CCDC171: variants seen among roughly 807,000 people sequenced by gnomAD.
CCDC171 encodes the protein coiled-coil domain-containing protein 171.
Under a neutral mutation model 168.2 loss-of-function variants are expected in CCDC171, and 177 were observed. The ratio of observed to expected loss-of-function variants is 1.05; its 90% CI spans 0.93 to 1.19. The LOEUF is 1.19. Ranked by LOEUF, CCDC171 falls within the 50% of genes most tolerant of loss-of-function variation. The pLI is 0.00. For missense variants in CCDC171, 1,991 were observed against 1,539.0 expected (o/e 1.29, Z -4.91); for synonymous variants, 687 against 540.8 (o/e 1.27, Z -3.75).
chr9:16,026,558 C>T (rs956626887), intron 6 of CCDC171, among the ~76,000 whole-genome samples: 6 of 152,088 alleles, frequency 3.9e-5, no homozygotes, highest in Admixed American at 6.6e-5. Context: ...ATCCTCAATA[C>T]GGAACTTGTG....
intron 21 of CCDC171, among the ~76,000 whole-genome samples, chr9:15,831,001 G>A (rs1268656287): frequency 3.4e-5 from 4 of 118,288 alleles, no homozygotes; most frequent in Non-Finnish European, 3.3e-5. Context: ...ATGGATTCTC[G>A]CTCTGCCGCC....
the CCDC171 span, among the ~76,000 whole-genome samples, chr9:16,095,867 CACATAT>C: frequency 9.5e-5 from 5 of 52,784 alleles, no homozygotes; most frequent in African/African-American, 3.3e-4. Context: ...CACACATAGG[CACATAT>C]ATATATATAT....
In CCDC171 at chr9:16,002,115, A is replaced by G. The variant is rs942282731; in HGVS notation, n.369-18474A>G. Among the ~76,000 whole-genome samples, 6 of 146,000 alleles carry G rather than the reference A, an allele frequency of 4.1e-5. No individual in the cohort carries two copies. The South Asian group carries it at 1.3e-3, about 32-fold the overall frequency. ...AATGCTGGAATTACAGGCATGAGTC[A>G]CCATGCCCAGCCTACTATCATTTTT... On this transcript the variant is annotated intron_variant and non_coding_transcript_variant, in intron 3 of 9. Transcript: ENST00000486641.
chr9:15,967,173 C>G (rs1830881815), intron 25 of CCDC171, among the ~76,000 whole-genome samples: 2 of 152,156 alleles, frequency 1.3e-5, no homozygotes, highest in South Asian at 4.1e-4. Context: ...CTTTGTGACA[C>G]TGAGTATTGA....
At chr9:15,894,356 C>T (rs2769716) in intron 24 of CCDC171, among the ~76,000 whole-genome samples, 130,103 of 151,988 alleles carry the variant, frequency 0.86, 55,753 homozygotes, top group East Asian at 0.96. Context: ...GGATGATCTG[C>T]GCAGCAAACC....
At chr9:15,590,769 T>TTC (rs1223868945) in intron 4 of CCDC171, among the ~76,000 whole-genome samples, 5 of 104,672 alleles carry the variant, frequency 4.8e-5, no homozygotes, top group African/African-American at 9.7e-5. Context: ...CTTTCTTTCT[T>TTC]TCTCTTTCTT....
At chr9:16,014,828 C>T (rs182361123) in intron 3 of CCDC171, among the ~76,000 whole-genome samples, 135 of 152,140 alleles carry the variant, frequency 8.9e-4, no homozygotes, top group African/African-American at 3.0e-3. Flanking sequence ...TATAAACAGG[C>T]TTTGTTATTC....
chr9:16,069,841 A>G, the CCDC171 span, among the ~76,000 whole-genome samples: 4 of 152,270 alleles, frequency 2.6e-5, no homozygotes, highest in South Asian at 8.3e-4. Flanking sequence ...AACATCACAC[A>G]CAAAAGAACC....
chr9:15,842,923 A>T (rs1227579945), intron 21 of CCDC171, among the ~76,000 whole-genome samples: 1 of 151,924 alleles, frequency 6.6e-6, no homozygotes, highest in Non-Finnish European at 1.5e-5. Context: ...AACTATGGAT[A>T]AGAAAAAATA....
chr9:15,948,984 C>G (rs150787464), intron 25 of CCDC171, among the ~76,000 whole-genome samples: 6 of 150,692 alleles, frequency 4.0e-5, no homozygotes, highest in Non-Finnish European at 3.0e-5. Flanking sequence ...TAATCCATCT[C>G]GAATTGATTT....
chr9:15,952,511 C>A (rs535708042), intron 25 of CCDC171, among the ~76,000 whole-genome samples: 1 of 152,094 alleles, frequency 6.6e-6, no homozygotes, highest in African/African-American at 2.4e-5. Context: ...GATTCTCCTG[C>A]CTCAGCCTCC....
At chr9:16,079,267 A>G in the CCDC171 span, among the ~76,000 whole-genome samples, 1 of 152,176 alleles carries the variant, frequency 6.6e-6, no homozygotes, top group East Asian at 1.9e-4. Context: ...TTTGAATTGT[A>G]TCCATCCCCA....
intron 7 of CCDC171, among the ~76,000 whole-genome samples, chr9:15,656,128 G>T (rs779993421): frequency 5.9e-5 from 9 of 152,112 alleles, no homozygotes; most frequent in Non-Finnish European, 1.2e-4. Context: ...GACCATCCTG[G>T]CTAGCACGGT....
At chr9:15,769,158 G>C (rs185556059) in intron 18 of CCDC171, among the ~76,000 whole-genome samples, 1 of 152,316 alleles carries the variant, frequency 6.6e-6, no homozygotes, top group East Asian at 1.9e-4. Context: ...TAACATTGCA[G>C]TTTCTGTCTT....
chr9:16,010,341 C>G (rs1832834839), intron 3 of CCDC171, among the ~76,000 whole-genome samples: 1 of 151,818 alleles, frequency 6.6e-6, no homozygotes, highest in Non-Finnish European at 1.5e-5. Flanking sequence ...TTTTTAATAC[C>G]CAGATTGCTT....
intron 7 of CCDC171, among the ~76,000 whole-genome samples, chr9:15,629,241 A>G (rs7031131): frequency 0.54 from 82,663 of 151,776 alleles, 22,806 homozygotes; most frequent in East Asian, 0.77. Context: ...CCGAGCTACA[A>G]GAGGAAATTC....
chr9:15,666,134 G>T, intron 8 of CCDC171, 29 bp from the exon 9 acceptor site: 1 of 1,604,314 alleles, frequency 6.2e-7, no homozygotes, highest in South Asian at 1.1e-5. Context: ...TTCTTAGCTT[G>T]ATTTAATTAC....
chr9:15,602,770 G>T (rs1462955341), intron 6 of CCDC171, among the ~76,000 whole-genome samples: 1 of 148,838 alleles, frequency 6.7e-6, no homozygotes, highest in African/African-American at 2.5e-5. Flanking sequence ...CGATTCTCCT[G>T]CCTCAGTCTC....
chr9:15,848,532 A>G (rs928908981), intron 22 of CCDC171, among the ~76,000 whole-genome samples: 38 of 151,938 alleles, frequency 2.5e-4, no homozygotes, highest in Non-Finnish European at 5.3e-4. Flanking sequence ...AAATAAAAGA[A>G]TAAAGTTTTA....
Sources: allele counts gnomAD v4.1 joint callset (sites outside exome capture counted in the v4.1 genomes callset), GRCh38; gene constraint gnomAD v4.1.1; transcripts MANE v1.5; gene names NCBI Gene and HGNC (gene_info 2026-07-23, HGNC 2026-07-21).